Variants in CRACDL observed in about 807,000 individuals in gnomAD.
CRACDL encodes the protein CRACD-like protein.
CRACDL carries 26 observed loss-of-function variants against 70.6 expected under a neutral mutation model. That is an observed-to-expected ratio of 0.37 (90% CI 0.27 to 0.51). CRACDL has a LOEUF of 0.51. Among genes scored for constraint, CRACDL ranks in the 20% least tolerant of loss-of-function variants. CRACDL has a pLI of 0.94. For missense variants in CRACDL, 1,283 were observed against 1,376.9 expected, an observed-to-expected ratio of 0.93 and a Z score of 1.08; for synonymous variants, 618 against 615.2, an observed-to-expected ratio of 1.00 and a Z score of -0.07.
At chr2:98,884,663 C>A (rs998954704) in intron 1 of CRACDL, among the ~76,000 whole-genome samples, 3 of 152,208 alleles carry the variant, frequency 2.0e-5, no homozygotes, top group Admixed American at 2.0e-4. Context: ...GGAGCCCTCA[C>A]AAATGGGATC....
intron 7 of CRACDL, 87 bp downstream of exon 7, chr2:98,821,770 A>G (rs1705039489): frequency 6.8e-7 from 1 of 1,470,150 alleles, no homozygotes; most frequent in East Asian, 2.5e-5. Flanking sequence ...TTGTACCAGG[A>G]GCATTTGGCG....
At chr2:98,880,518 G>A (rs964372487) in intron 1 of CRACDL, among the ~76,000 whole-genome samples, 22 of 152,290 alleles carry the variant, frequency 1.4e-4, no homozygotes, top group Admixed American at 9.8e-4. Flanking sequence ...TGGGCACGGC[G>A]GGCAGGTGGG....
At chr2:98,895,976 T>C (rs1251328988) in intron 1 of CRACDL, among the ~76,000 whole-genome samples, 1 of 152,144 alleles carries the variant, frequency 6.6e-6, no homozygotes, top group African/African-American at 2.4e-5. Context: ...TCTCACCAGA[T>C]ACTGAATCTG....
chr2:98,850,159 G>A (rs1706423905), intron 1 of CRACDL, among the ~76,000 whole-genome samples: 1 of 152,210 alleles, frequency 6.6e-6, no homozygotes, highest in African/African-American at 2.4e-5. Flanking sequence ...ACAAACACCT[G>A]GCTTTCCAGC....
At chr2:98,920,388 G>A (rs562480242) in intron 1 of CRACDL, among the ~76,000 whole-genome samples, 2 of 152,204 alleles carry the variant, frequency 1.3e-5, no homozygotes, top group African/African-American at 4.8e-5. Context: ...GCATGTGTAG[G>A]CACTGTCTCT....
chr2:98,876,272 G>A (rs549688948), intron 1 of CRACDL, among the ~76,000 whole-genome samples: 2 of 152,286 alleles, frequency 1.3e-5, no homozygotes, highest in East Asian at 3.9e-4. Flanking sequence ...TAACTGAAAA[G>A]GTATTAATTT....
Position 98,823,321 on chromosome 2 carries a change from G to A in CRACDL, c.952C>T (p.Leu318Phe), listed in dbSNP as rs1395768767. 6.8e-7 allele frequency: 1 copy of A among 1,473,286 alleles called. No homozygotes were observed. The highest frequency in any genetic ancestry group is 1.4e-5 in the African/African-American group (1 of 70,424). The allele number at this position is 1,473,286 out of a possible 1,614,324, so 91.3% of individuals were successfully genotyped here. Residue 318 changes from leucine (L) to phenylalanine (F), a missense_variant, in exon 7 of 10, where the codon CTC (leucine) becomes TTC (phenylalanine). Leu to Phe is a conservative substitution (Grantham distance 22). Around this residue, in one of 2 missense-constraint regions of CRACDL, gnomAD observed 362 missense variants for 495.0 expected, o/e 0.73. Transcript: ENST00000397899. This position sits in a 1 kb window ranked among gnomAD's most constrained non-coding sequence, Gnocchi z 4.0. ...CCCCCCTCCTCCACGCTGGCCGTGA[G>A]CGCGGAGGAGTGCTGCAGGCGGGCG... ...RRARLQHSSA[L>F]TASVEEGGVP...
Position 98,796,219 on chromosome 2 carries a change from T to C in CRACDL, c.2650A>G (p.Ile884Val), listed in dbSNP as rs2104390865. ...TCCACAGCGGGCTTCACAGGGGTTATCAGGAAAGACTTGCTGCGAACAAAG... is the reference window on the plus strand; with the variant it reads ...TCCACAGCGGGCTTCACAGGGGTTACCAGGAAAGACTTGCTGCGAACAAAG... ...ADFVRSKSFLITPVKPAVDRK... is the reference protein window; with the variant it reads ...ADFVRSKSFLVTPVKPAVDRK... The change falls in exon 9 of 10, where the codon ATA becomes GTA. Residue 884 changes from isoleucine to valine, a missense_variant. By Grantham distance (29) the Ile-to-Val change is conservative. Transcript: ENST00000397899. 1 of 1,614,206 alleles carries C rather than the reference T, an allele frequency of 6.2e-7. No homozygotes were observed. Among genetic ancestry groups the C allele is most frequent in the Admixed American group, 1.7e-5 (1 of 60,024 alleles).
intron 1 of CRACDL, among the ~76,000 whole-genome samples, chr2:98,898,598 G>A (rs146099310): frequency 1.2e-4 from 19 of 152,264 alleles, no homozygotes; most frequent in Admixed American, 8.5e-4. Context: ...GCCTGCCCTC[G>A]TCTGCCCAGA....
chr2:98,803,602 C>T (rs1704171995), intron 7 of CRACDL, among the ~76,000 whole-genome samples: 1 of 152,252 alleles, frequency 6.6e-6, no homozygotes, highest in Non-Finnish European at 1.5e-5. Flanking sequence ...ACACTTCATA[C>T]TTTGGCATAT....
chr2:98,876,434 A>G (rs376530784), intron 1 of CRACDL, among the ~76,000 whole-genome samples: 6 of 152,278 alleles, frequency 3.9e-5, no homozygotes, highest in African/African-American at 1.4e-4. Context: ...GCGAGCAAAC[A>G]TTACCCTCTG....
intron 1 of CRACDL, among the ~76,000 whole-genome samples, chr2:98,851,597 C>A (rs937326349): frequency 6.6e-6 from 1 of 152,140 alleles, no homozygotes; most frequent in African/African-American, 2.4e-5. Flanking sequence ...TGCCATCTAC[C>A]CTGCATCACC....
intron 5 of CRACDL, among the ~76,000 whole-genome samples, chr2:98,828,819 G>A (rs1705422079): frequency 6.6e-6 from 1 of 152,212 alleles, no homozygotes; most frequent in Non-Finnish European, 1.5e-5. Flanking sequence ...TAAGCCGCAA[G>A]TCTCCTGGCA....
intron 7 of CRACDL, among the ~76,000 whole-genome samples, chr2:98,807,741 A>G (rs955185901): frequency 6.6e-6 from 1 of 152,200 alleles, no homozygotes; most frequent in South Asian, 2.1e-4. Flanking sequence ...AGTGCTCACT[A>G]TATGTTAGCT....
At chr2:98,796,011 T>C (rs1047547046) in intron 9 of CRACDL, 109 bp downstream of exon 9, 5 of 998,824 alleles carry the variant, frequency 5.0e-6, no homozygotes, top group Non-Finnish European at 6.3e-6. Context: ...TGTAGAAAAC[T>C]CAATGTTGCA....
intron 1 of CRACDL, among the ~76,000 whole-genome samples, chr2:98,898,347 A>G (rs544315950): frequency 6.6e-6 from 1 of 152,380 alleles, no homozygotes; most frequent in South Asian, 2.1e-4. Flanking sequence ...GAGAGAAGAC[A>G]TGCCCACAGT....
intron 1 of CRACDL, among the ~76,000 whole-genome samples, chr2:98,915,590 C>G (rs1008036072): frequency 6.6e-6 from 1 of 151,948 alleles, no homozygotes; most frequent in South Asian, 2.1e-4. Flanking sequence ...AGGTGAAGGA[C>G]GAGAGCCACA....
In CRACDL at chr2:98,920,641, T is replaced by G. The variant is rs189075660; in HGVS notation, c.-11+15297A>C. Among the ~76,000 whole-genome samples the G allele has an allele frequency of 5.3e-5, 8 of 152,152 alleles. No individual in the cohort carries two copies. The East Asian group carries it at 1.5e-3, about 29-fold the overall frequency. ...GACCCCTCTCCCAGCTGGAAAAGCC[T>G]CCCCATACTTCCCTGCCTGTGGAAA... is the stretch of plus-strand genomic sequence containing the variant. On this transcript the variant is annotated intron_variant, in intron 1 of 9. Transcript: ENST00000397899.
chr2:98,889,285 G>GAGAGAGAAAGAAAGAA (rs1553399211), intron 1 of CRACDL, among the ~76,000 whole-genome samples: 1 of 140,968 alleles, frequency 7.1e-6, no homozygotes, highest in East Asian at 2.2e-4. Flanking sequence ...GAAAAAGAGA[G>GAGAGAGAAAGAAAGAA]AGAAAGAAAG....
Sources: allele counts gnomAD v4.1 joint callset (sites outside exome capture counted in the v4.1 genomes callset), GRCh38; gene constraint gnomAD v4.1.1; regional missense constraint gnomAD v4.1.1; non-coding constraint Gnocchi (gnomAD v3.1); transcripts MANE v1.5; gene names NCBI Gene and HGNC (gene_info 2026-07-23, HGNC 2026-07-21).